The following PSPC1 variants were observed in gnomAD, a reference collection of about 807,000 sequenced individuals.
PSPC1 encodes the protein paraspeckle component 1, also known as paraspeckle protein 1.
PSPC1 carries 14 observed loss-of-function variants against 51.6 expected under a neutral mutation model. That is an observed-to-expected ratio of 0.27 (90% CI 0.18 to 0.42). The LOEUF (loss-of-function observed/expected upper bound fraction) is 0.42, where lower values mean the gene tolerates loss of function less well. Among genes scored for constraint, PSPC1 ranks in the 10% least tolerant of loss-of-function variants. The pLI, the probability that PSPC1 is intolerant of heterozygous loss-of-function variation, is 1.00. For synonymous variants in PSPC1, 193 were observed against 231.9 expected (o/e 0.83, Z 1.53); for missense variants, 406 against 701.1 (o/e 0.58, Z 4.75).
downstream of PSPC1, among the ~76,000 whole-genome samples, chr13:19,697,610 T>C (rs1299332057): frequency 6.6e-6 from 1 of 152,152 alleles, no homozygotes; most frequent in African/African-American, 2.4e-5. Context: ...AGCATTCAAG[T>C]CTGGGAACAT....
chr13:19,685,992 T>C (rs1877827274), intron 6 of PSPC1, among the ~76,000 whole-genome samples: 1 of 152,164 alleles, frequency 6.6e-6, no homozygotes, highest in Admixed American at 6.5e-5. Context: ...TCTCTCCTCT[T>C]ACATATTTAT....
chr13:19,775,979 A>G (rs893206337), intron 1 of PSPC1, among the ~76,000 whole-genome samples: 3 of 152,082 alleles, frequency 2.0e-5, no homozygotes, highest in African/African-American at 7.2e-5. Context: ...TGAACACGGG[A>G]GGCGGAACTT....
chr13:19,686,495 A>G (rs1214957725), intron 6 of PSPC1, among the ~76,000 whole-genome samples: 2 of 152,198 alleles, frequency 1.3e-5, no homozygotes, highest in South Asian at 4.1e-4. Context: ...GAATATATAC[A>G]TCTATGAATA....
intron 6 of PSPC1, among the ~76,000 whole-genome samples, chr13:19,724,042 A>G (rs1883074166): frequency 6.6e-6 from 1 of 152,256 alleles, no homozygotes; most frequent in Non-Finnish European, 1.5e-5. Context: ...AGTTATTTCC[A>G]TAACTTAATG....
intron 6 of PSPC1, among the ~76,000 whole-genome samples, chr13:19,696,474 G>A (rs1464983085): frequency 2.0e-5 from 3 of 151,002 alleles, no homozygotes; most frequent in African/African-American, 7.3e-5. Context: ...GCATAATTTT[G>A]AGTAGGCCTT....
intron 7 of PSPC1, chr13:19,677,623 C>G: frequency 2.6e-6 from 1 of 390,388 alleles, no homozygotes; most frequent in Non-Finnish European, 5.0e-6. Flanking sequence ...ATCTTCATTA[C>G]AGTCCACAGA....
intron 1 of PSPC1, among the ~76,000 whole-genome samples, chr13:19,780,198 C>T (rs1889788246): frequency 7.9e-6 from 1 of 126,828 alleles, no homozygotes; most frequent in African/African-American, 2.7e-5. Context: ...GGGGGGTCAG[C>T]CCCCCCGCCC....
intron 6 of PSPC1, among the ~76,000 whole-genome samples, chr13:19,692,687 C>T (rs1415540105): frequency 6.6e-6 from 1 of 152,154 alleles, no homozygotes; most frequent in Non-Finnish European, 1.5e-5. Context: ...CGACCCTGAA[C>T]ACACTTACCT....
rs1593582323 is a variant in PSPC1 at position 19,707,967 on chromosome 13, T to A, written c.1216+1575A>T. Reference sequence around the variant, plus strand: ...ACCACTTGGACATCATTATACTCAATTATGCTTCATAATTTAGAACACTCT... The same window carrying A: ...ACCACTTGGACATCATTATACTCAAATATGCTTCATAATTTAGAACACTCT... On this transcript the variant is annotated intron_variant, in intron 7 of 8. Transcript: ENST00000338910. Among the ~76,000 whole-genome samples, 5 of 152,196 alleles carry A rather than the reference T, an allele frequency of 3.3e-5. No individual in the cohort carries two copies. The South Asian group carries it at 8.3e-4, about 25-fold the overall frequency.
chr13:19,766,262 A>G (rs934899835), intron 2 of PSPC1, among the ~76,000 whole-genome samples: 9 of 152,264 alleles, frequency 5.9e-5, no homozygotes, highest in East Asian at 1.9e-4. Flanking sequence ...AATCCCAGCT[A>G]TTCAGGCAGC....
downstream of PSPC1, among the ~76,000 whole-genome samples, chr13:19,701,462 G>C (rs992854943): frequency 6.6e-6 from 1 of 151,850 alleles, no homozygotes; most frequent in African/African-American, 2.4e-5. Context: ...AGAAACATGA[G>C]AATAGTCTTT....
chr13:19,776,731 T>C (rs1348248641), intron 1 of PSPC1, among the ~76,000 whole-genome samples: 1 of 151,638 alleles, frequency 6.6e-6, no homozygotes, highest in African/African-American at 2.4e-5. Context: ...ATGGTCTCGA[T>C]CTCCTGACCT....
downstream of PSPC1, chr13:19,673,210 C>G: frequency 2.3e-6 from 1 of 431,550 alleles, no homozygotes. Flanking sequence ...AGCCACCACC[C>G]TCTCTGGGAA....
intron 3 of PSPC1, among the ~76,000 whole-genome samples, chr13:19,752,782 T>C (rs1192437853): frequency 6.6e-6 from 1 of 151,960 alleles, no homozygotes; most frequent in African/African-American, 2.4e-5. Flanking sequence ...GAGACGGGGT[T>C]TCACTATGTT....
intron 6 of PSPC1, among the ~76,000 whole-genome samples, chr13:19,686,243 G>A (rs1301376524): frequency 1.3e-5 from 2 of 152,094 alleles, no homozygotes; most frequent in African/African-American, 4.8e-5. Flanking sequence ...TCCACATCTT[G>A]CATTCTCAAC....
intron 4 of PSPC1, among the ~76,000 whole-genome samples, chr13:19,743,837 A>G (rs1352735968): frequency 6.6e-6 from 1 of 152,124 alleles, no homozygotes; most frequent in Non-Finnish European, 1.5e-5. Context: ...TATTTAAGTA[A>G]TGGCTCACAC....
chr13:19,780,433 AG>A (rs1258748802), intron 1 of PSPC1, among the ~76,000 whole-genome samples: 1 of 65,342 alleles, frequency 1.5e-5, no homozygotes, highest in Non-Finnish European at 3.8e-5. Context: ...AGAAAGAAGT[AG>A]ACATGGGAGA....
chr13:19,713,558 A>AAG (rs1434503864), intron 6 of PSPC1, among the ~76,000 whole-genome samples: 3 of 151,586 alleles, frequency 2.0e-5, no homozygotes, highest in Non-Finnish European at 2.9e-5. Flanking sequence ...AAAAAAAAAA[A>AAG]AAAAAAAGAA....
chr13:19,696,820 A>C (rs1182516830), intron 6 of PSPC1, among the ~76,000 whole-genome samples: 1 of 152,228 alleles, frequency 6.6e-6, no homozygotes, highest in Admixed American at 6.5e-5. Context: ...TATGCTGAGA[A>C]TCTGCTAAGA....
Sources: allele counts gnomAD v4.1 joint callset (sites outside exome capture counted in the v4.1 genomes callset), GRCh38; gene constraint gnomAD v4.1.1; transcripts MANE v1.5; gene names NCBI Gene and HGNC (gene_info 2026-07-23, HGNC 2026-07-21).